Variants in SS18L1 observed in about 807,000 individuals in gnomAD.
SS18L1 encodes SS18L1 subunit of BAF chromatin remodeling complex, also known as calcium-responsive transactivator.
In SS18L1, 32 loss-of-function variants were observed where a neutral mutation model predicts 70.3. The observed-to-expected ratio is 0.46, with a 90% confidence interval of 0.34 to 0.61. SS18L1 has a LOEUF of 0.61. Among genes scored for constraint, SS18L1 ranks in the 20% least tolerant of loss-of-function variants. SS18L1 has a pLI of 0.01. For missense variants in SS18L1, 430 were observed against 542.1 expected, an observed-to-expected ratio of 0.79 and a Z score of 2.05; for synonymous variants, 237 against 229.7, an observed-to-expected ratio of 1.03 and a Z score of -0.29.
At chr20:62,163,380 G>A in intron 5 of SS18L1, 78 bp from the exon 6 acceptor site, 7 of 1,592,442 alleles carry the variant, frequency 4.4e-6, no homozygotes, top group Non-Finnish European at 5.1e-6. Context: ...ACCCGCCCGG[G>A]CGCAGGAGGT....
intron 1 of SS18L1, among the ~76,000 whole-genome samples, chr20:62,150,278 C>A (rs888234305): frequency 2.0e-5 from 3 of 152,230 alleles, no homozygotes. Context: ...TTGCTGACCT[C>A]GGGGGCAGGG....
intron 8 of SS18L1, among the ~76,000 whole-genome samples, chr20:62,169,321 AAAC>A (rs777680970): frequency 6.6e-6 from 1 of 152,224 alleles, no homozygotes; most frequent in Non-Finnish European, 1.5e-5. Flanking sequence ...ACAAACACCA[AAAC>A]AACCAACACA....
chr20:62,158,856 C>G lies in SS18L1; in HGVS notation c.146+108C>G, dbSNP rs972274698. The G allele has an allele frequency of 6.2e-7, 1 of 1,609,544 alleles. No homozygotes were observed. The highest frequency in any genetic ancestry group is 8.5e-7 in the Non-Finnish European group (1 of 1,178,280). ...CCCAGCACAGAGATCAGATAAGTCCCAGGAGTCCCCAGCACGGAGGCCAGA... is the reference window on the plus strand; with the variant it reads ...CCCAGCACAGAGATCAGATAAGTCCGAGGAGTCCCCAGCACGGAGGCCAGA... On this transcript the variant is annotated intron_variant, in intron 2 of 10. Coordinates refer to ENST00000331758, the MANE Select transcript of SS18L1 (RefSeq NM_198935.3). This position sits in a 1 kb window ranked among gnomAD's most constrained non-coding sequence, Gnocchi z 4.5.
rs1422241729 is a variant in SS18L1, at chr20:62,179,647, T to C, written c.*439T>C. ...TGTAGTGTGGGTTGTCAACTTTTCT[T>C]TAACTGGCTACGCCACAGCTGGACA... On this transcript the variant is annotated 3_prime_UTR_variant, in exon 11 of 11. Coordinates refer to ENST00000331758, the MANE Select transcript of SS18L1 (RefSeq NM_198935.3). 2.1e-5 allele frequency: 4 copies of C among 192,412 alleles called. No individual in the cohort carries two copies. The highest frequency in any genetic ancestry group is 4.3e-5 in the Non-Finnish European group (4 of 94,048). 11.9% of individuals were successfully genotyped at this position (192,412 alleles called of 1,614,324 possible). A position where few individuals can be genotyped will look rare whatever the true frequency, so the allele number is the denominator to read the frequency against.
chr20:62,166,147 C>T (rs2057425889), intron 8 of SS18L1, among the ~76,000 whole-genome samples: 1 of 152,236 alleles, frequency 6.6e-6, no homozygotes, highest in African/African-American at 2.4e-5. Context: ...GGAAGAGGTA[C>T]ACACAGCCCG....
chr20:62,167,273 G>A (rs1018647271), intron 8 of SS18L1, among the ~76,000 whole-genome samples: 12 of 150,264 alleles, frequency 8.0e-5, no homozygotes, highest in African/African-American at 2.4e-4. Flanking sequence ...TCGAACCCCT[G>A]ACCTCATGAT....
At chr20:62,178,810 C>G (rs780593845) in intron 10 of SS18L1, among the ~76,000 whole-genome samples, 5 of 152,192 alleles carry the variant, frequency 3.3e-5, no homozygotes, top group Non-Finnish European at 5.9e-5. Context: ...CTGGTCGTCC[C>G]CGCTCCCATT....
chr20:62,165,467 G>T lies in SS18L1; in HGVS notation c.869G>T (p.Ser290Ile), dbSNP rs1165496280. 18 of 1,613,124 alleles carry T rather than the reference G, an allele frequency of 1.1e-5. No homozygotes were observed. The highest frequency in any genetic ancestry group is 1.7e-5 in the Admixed American group (1 of 59,954). The change falls in exon 8 of 11, where the codon AGC becomes ATC. Residue 290 changes from serine (S) to isoleucine (I), a missense_variant. Transcript: ENST00000331758. Reference sequence around the variant, plus strand: ...CAGCAGTCATCCTACACGGAGCAGAGCTACGACCGGTCCTTCGAGGAGTCC... The same window carrying T: ...CAGCAGTCATCCTACACGGAGCAGATCTACGACCGGTCCTTCGAGGAGTCC... The part of the protein sequence containing the change: ...AYQQSSYTEQ[S>I]YDRSFEESTQ...
chr20:62,144,183 G>A (rs1489685894), intron 1 of SS18L1, among the ~76,000 whole-genome samples: 2 of 151,456 alleles, frequency 1.3e-5, no homozygotes, highest in Non-Finnish European at 2.9e-5. Context: ...GCTGGAGGCT[G>A]CCGGCCCCCG....
At chr20:62,150,073 T>C (rs2057099787) in intron 1 of SS18L1, among the ~76,000 whole-genome samples, 1 of 152,230 alleles carries the variant, frequency 6.6e-6, no homozygotes, top group Non-Finnish European at 1.5e-5. Flanking sequence ...TCTTAGAGTC[T>C]TTGAAATTGC....
rs1480785327 is a variant in SS18L1 at position 62,174,494 on chromosome 20, C to G, written c.1037-23C>G. ...AAGAGGTGTCCGTTTTGGCCGGCCT[C>G]ACGGTTCCTGGTGTCTTCTCAGGGT... On this transcript the variant is annotated intron_variant, in intron 9 of 10. Coordinates refer to ENST00000331758, the MANE Select transcript of SS18L1 (RefSeq NM_198935.3). The surrounding 1 kb of genome is among the most constrained non-coding windows in gnomAD (Gnocchi z 4.1). The G allele has an allele frequency of 1.3e-6, 2 of 1,593,032 alleles. No homozygotes were observed. The highest frequency in any genetic ancestry group is 1.3e-5 in the African/African-American group (1 of 74,306).
At chr20:62,144,207 C>T (rs1316113501) in intron 1 of SS18L1, among the ~76,000 whole-genome samples, 1 of 151,520 alleles carries the variant, frequency 6.6e-6, no homozygotes, top group Non-Finnish European at 1.5e-5. Context: ...GCGCTGTCCC[C>T]CGAGTCCGCG....
chr20:62,161,844 G>A lies in SS18L1; in HGVS notation c.376+264G>A, dbSNP rs750483861. 5.1e-4 allele frequency among the ~76,000 whole-genome samples: 78 copies of A among 152,232 alleles called. No homozygotes were observed. Among genetic ancestry groups the A allele is most frequent in the Non-Finnish European group, 1.5e-4 (10 of 68,036 alleles). On this transcript the variant is annotated intron_variant, in intron 4 of 10. Coordinates refer to ENST00000331758, the MANE Select transcript of SS18L1 (RefSeq NM_198935.3). This position sits in a 1 kb window ranked among gnomAD's most constrained non-coding sequence, Gnocchi z 4.4. Reference sequence around the variant, plus strand: ...CATCAAATTCAAATGCAAGTTGCGGGGTTCCAGGTGGATTGTGTAATAGGA... The same window carrying A: ...CATCAAATTCAAATGCAAGTTGCGGAGTTCCAGGTGGATTGTGTAATAGGA...
chr20:62,164,590 G>A (rs989107016), intron 7 of SS18L1, among the ~76,000 whole-genome samples: 9 of 152,238 alleles, frequency 5.9e-5, no homozygotes, highest in South Asian at 2.1e-4. Flanking sequence ...TCAAGAAGGC[G>A]CCTCCCAGCT....
At chr20:62,171,865 A>T (rs1436552741) in intron 8 of SS18L1, among the ~76,000 whole-genome samples, 1 of 152,228 alleles carries the variant, frequency 6.6e-6, no homozygotes, top group East Asian at 1.9e-4. Context: ...CAAAAGATTT[A>T]AAATTACCTG....
At chr20:62,178,016 C>CGAGGCTAA (rs2057649455) in intron 10 of SS18L1, among the ~76,000 whole-genome samples, 8 of 101,332 alleles carry the variant, frequency 7.9e-5, no homozygotes, top group Middle Eastern at 0.015. Context: ...TGTGCCTGGC[C>CGAGGCTAA]TTTTTTTTTT....
In SS18L1 at chr20:62,159,373, G is replaced by C. The variant is rs1210174874; in HGVS notation, c.147-504G>C. On this transcript the variant is annotated intron_variant, in intron 2 of 10. Coordinates refer to ENST00000331758, the MANE Select transcript of SS18L1 (RefSeq NM_198935.3). The surrounding 1 kb of genome is among the most constrained non-coding windows in gnomAD (Gnocchi z 4.4). ...TGGCCTCAGACACCCCTGGGTGTGG[G>C]TGGGGTGAAGGGACTGGGTCCCCAC... Among the ~76,000 whole-genome samples, 1 of 152,222 alleles carries C rather than the reference G, an allele frequency of 6.6e-6. No homozygotes were observed. The highest frequency in any genetic ancestry group is 1.5e-5 in the Non-Finnish European group (1 of 68,020).
chr20:62,161,484 G>A lies in SS18L1; in HGVS notation c.280G>A (p.Gly94Ser), dbSNP rs750468845. The A allele has an allele frequency of 6.2e-6, 10 of 1,612,824 alleles. No individual in the cohort carries two copies. Among genetic ancestry groups the A allele is most frequent in the African/African-American group, 4.0e-5 (3 of 75,030 alleles). Residue 94 changes from glycine to serine, a missense_variant, in exon 4 of 11, where the codon GGC becomes AGC. Transcript: ENST00000331758. This position sits in a 1 kb window ranked among gnomAD's most constrained non-coding sequence, Gnocchi z 4.4. ...NLGPGALTQS[G>S]SSQGLHSQGS... ...GGGCCCTGGAGCCCTGACTCAGAGC[G>A]GCTCCAGCCAGGGCCTGCACTCTCA...
At position 62,159,080 on chromosome 20, in the gene SS18L1, G is replaced by A. The variant is rs575037369; in HGVS notation, c.146+332G>A. 52 of 1,443,880 alleles carry A rather than the reference G, an allele frequency of 3.6e-5. No homozygotes were observed. The highest frequency in any genetic ancestry group is 5.4e-5 in the Admixed American group (3 of 55,362). The allele number at this position is 1,443,880 out of a possible 1,614,324, so 89.4% of individuals were successfully genotyped here. On this transcript the variant is annotated intron_variant, in intron 2 of 10. Transcript: ENST00000331758. The surrounding 1 kb of genome is among the most constrained non-coding windows in gnomAD (Gnocchi z 4.4). ...TCCCGAGAGTCCCTGGCACAGCTGC[G>A]AAGCATTGCTGCCAGAACTGGGGTA...
Sources: gnomAD v4.1 joint callset for allele counts (sites outside exome capture counted in the v4.1 genomes callset) on GRCh38, gnomAD v4.1.1 for gene constraint, Gnocchi (gnomAD v3.1) non-coding constraint, MANE v1.5 for transcripts, NCBI Gene and HGNC (gene_info 2026-07-23, HGNC 2026-07-21) for gene names.